TGM7: variants seen among roughly 807,000 people sequenced by gnomAD.
TGM7 encodes protein-glutamine gamma-glutamyltransferase Z.
TGM7 carries 74 observed loss-of-function variants against 79.5 expected under a neutral mutation model. The ratio of observed to expected loss-of-function variants is 0.93; its 90% CI spans 0.77 to 1.13. The LOEUF (loss-of-function observed/expected upper bound fraction) is 1.13, where lower values mean the gene tolerates loss of function less well. TGM7 is among the 50% of genes most tolerant of loss of function. The probability of loss-of-function intolerance (pLI) is 0.00; values close to 1 mark genes in which losing one functional copy is unlikely to be tolerated. For synonymous variants in TGM7, 354 were observed against 362.5 expected, an observed-to-expected ratio of 0.98 and a Z score of 0.27; for missense variants, 912 against 905.9, an observed-to-expected ratio of 1.01 and a Z score of -0.09.
chr15:43,281,808 T>A, intron 9 of TGM7, 36 bp downstream of exon 9: 1 of 1,607,492 alleles, frequency 6.2e-7, no homozygotes, highest in Non-Finnish European at 8.5e-7. Context: ...ACAAAGAAGC[T>A]TAAAGCAGCC....
chr15:43,279,222 G>C lies in TGM7; in HGVS notation c.1734C>G (p.Asp578Glu), dbSNP rs768206240. ...TGCCAGACACGCGGATGAGCTTTTC[G>C]TCCGTTAGCTTGTTTCTGTAATTGC... ...PYSNYRNKLT[D>E]EKLIRVSGIA... Residue 578 changes from aspartate to glutamate, a missense_variant, in exon 11 of 13, where the codon GAC (aspartate) becomes GAG (glutamate). Transcript: ENST00000452443. The C allele has an allele frequency of 1.2e-6, 2 of 1,614,142 alleles. No individual in the cohort carries two copies. The highest frequency in any genetic ancestry group is 1.1e-5 in the South Asian group (1 of 91,086).
chr15:43,293,748 A>G (rs1265674708), intron 1 of TGM7, 117 bp from the exon 2 acceptor site: 1 of 43,662 alleles, frequency 2.3e-5, no homozygotes, highest in Admixed American at 2.5e-4. Flanking sequence ...TGCGGGGGGT[A>G]GGTGGGGCGT....
rs1443768216 is a variant in TGM7 at position 43,287,661 on chromosome 15, C to G, written c.567G>C (p.Glu189Asp). ...SWPWNYGQFE[E>D]DIIDICFEIL... ...TCTCAAAGCAGATGTCTATGATGTC[C>G]TCTTCAAACTTCCAAGTGATTTTAA... The change falls in exon 5 of 13, where the codon GAG (glutamate) becomes GAC (aspartate). Residue 189 changes from glutamate to aspartate, a missense_variant. Physicochemically the swap from Glu to Asp is conservative, Grantham distance 45. Coordinates refer to ENST00000452443, the MANE Select transcript of TGM7 (RefSeq NM_052955.3). The G allele has an allele frequency of 1.2e-6, 2 of 1,607,804 alleles. No homozygotes were observed. Among genetic ancestry groups the G allele is most frequent in the South Asian group, 2.2e-5 (2 of 89,580 alleles).
At chr15:43,300,537 C>T (rs1443048201) in intron 1 of TGM7, among the ~76,000 whole-genome samples, 2 of 152,238 alleles carry the variant, frequency 1.3e-5, no homozygotes, top group East Asian at 1.9e-4. Flanking sequence ...CGCGGTGGCT[C>T]ACGCCTGTAA....
In TGM7 at chr15:43,276,992, A is replaced by T. The variant is rs762457602; in HGVS notation, c.1843T>A (p.Ser615Thr). ...GCCTTGCCCACCTCAGCCCTCTCAG[A>T]CACCTGTGTGGAGAGAAGTCAGCAA... ...LEPPHLSIEV[S>T]ERAEVGKALR... Residue 615 changes from serine (S) to threonine (T), a missense_variant, in exon 12 of 13, where the codon TCT (serine) becomes ACT (threonine). Coordinates refer to ENST00000452443, the MANE Select transcript of TGM7 (RefSeq NM_052955.3). The T allele has an allele frequency of 1.2e-6, 2 of 1,613,910 alleles. No individual in the cohort carries two copies. The highest frequency in any genetic ancestry group is 2.2e-5 in the South Asian group (2 of 91,054).
intron 7 of TGM7, among the ~76,000 whole-genome samples, chr15:43,283,465 GCT>G (rs889703861): frequency 7.2e-6 from 1 of 139,580 alleles, no homozygotes; most frequent in African/African-American, 3.1e-5. Context: ...ACAATCTCTC[GCT>G]CTCTCTCTTT....
chr15:43,291,934 G>T, intron 4 of TGM7, 45 bp downstream of exon 4: 1 of 1,432,506 alleles, frequency 7.0e-7, no homozygotes, highest in Non-Finnish European at 9.9e-7. Flanking sequence ...GTAAGGACCA[G>T]CCTTAGGGAG....
chr15:43,286,874 T>C (rs546212764), intron 6 of TGM7, among the ~76,000 whole-genome samples: 1 of 152,144 alleles, frequency 6.6e-6, no homozygotes, highest in African/African-American at 2.4e-5. Flanking sequence ...AGTGAAGCAT[T>C]TGGGGGCTGC....
chr15:43,279,863 C>T lies in TGM7; in HGVS notation c.1440G>A (p.Leu480=), dbSNP rs2042898351. 2.5e-6 allele frequency: 4 copies of T among 1,614,234 alleles called. No individual in the cohort carries two copies. Among genetic ancestry groups the T allele is most frequent in the Non-Finnish European group, 3.4e-6 (4 of 1,180,046 alleles). ...GCTGATCCCTAAGACCCCCAGACTC[C>T]AGGAGATCCAGGAAGGGCAAAGAAG... is the stretch of plus-strand genomic sequence containing the variant. ...QRASLPFLDL[L]ESGGLRDQPA... Residue 480 remains leucine (L), a synonymous_variant, in exon 10 of 13, where the codon CTG becomes CTA. Coordinates refer to ENST00000452443, the MANE Select transcript of TGM7 (RefSeq NM_052955.3).
At chr15:43,294,954 A>G (rs985510949) in intron 1 of TGM7, among the ~76,000 whole-genome samples, 2 of 151,700 alleles carry the variant, frequency 1.3e-5, no homozygotes, top group East Asian at 1.9e-4. Flanking sequence ...CTGGAGTGCA[A>G]TGGCATGCTC....
rs747416665 is a variant in TGM7, at chr15:43,292,698, G to A, written c.439+11C>T. ...ATCAGGTTAGCAATACAAGCTGTGG[G>A]CACATCCTACCTGGACTCCAAGGGT... On this transcript the variant is annotated intron_variant, in intron 3 of 12. Coordinates refer to ENST00000452443, the MANE Select transcript of TGM7 (RefSeq NM_052955.3). 1.9e-6 allele frequency: 3 copies of A among 1,613,556 alleles called. No homozygotes were observed. Among genetic ancestry groups the A allele is most frequent in the Non-Finnish European group, 2.5e-6 (3 of 1,179,666 alleles).
At chr15:43,291,496 C>T (rs547318005) in intron 4 of TGM7, among the ~76,000 whole-genome samples, 27 of 152,312 alleles carry the variant, frequency 1.8e-4, no homozygotes, top group East Asian at 3.9e-4. Context: ...TATTTGTGCA[C>T]GCTGAAATTT....
chr15:43,300,006 C>T (rs2043018235), intron 1 of TGM7, among the ~76,000 whole-genome samples: 1 of 152,178 alleles, frequency 6.6e-6, no homozygotes, highest in South Asian at 2.1e-4. Flanking sequence ...TCCCACTAGC[C>T]CATAAATAAA....
chr15:43,279,912 C>T lies in TGM7; in HGVS notation c.1391G>A (p.Arg464Gln), dbSNP rs150635499. Reference sequence around the variant, plus strand: ...AGCTCTTTGGGGGCCCAGCATTTTCCGAGAAGCCTTCATGAAGACAGCTCT... The same window carrying T: ...AGCTCTTTGGGGGCCCAGCATTTTCTGAGAAGCCTTCATGAAGACAGCTCT... The part of the protein sequence containing the change: ...EERAVFMKAS[R>Q]KMLGPQRASL... Residue 464 changes from arginine (R) to glutamine (Q), a missense_variant, in exon 10 of 13, where the codon CGG (arginine) becomes CAG (glutamine). Coordinates refer to ENST00000452443, the MANE Select transcript of TGM7 (RefSeq NM_052955.3). The T allele has an allele frequency of 5.0e-3, 8,027 of 1,614,146 alleles. 25 individuals carry two copies. The highest frequency in any genetic ancestry group is 6.4e-3 in the Non-Finnish European group (7,529 of 1,180,000).
At chr15:43,276,834 G>C (rs2042880048) in intron 12 of TGM7, 28 bp downstream of exon 12, 1 of 1,610,100 alleles carries the variant, frequency 6.2e-7, no homozygotes. Context: ...AGACCAGCAA[G>C]GGGGAGGTGG....
At position 43,292,046 on chromosome 15, in the gene TGM7, C is replaced by T. The variant is rs750552538; in HGVS notation, c.491G>A (p.Arg164Gln). The change falls in exon 4 of 13, where the codon CGA becomes CAA. Residue 164 changes from arginine (R) to glutamine (Q), a missense_variant. Transcript: ENST00000452443. ...ACCCTTGTAAACAAAGCCATAATCTCGCATGATATACTCCTGCAGCAGTAT... is the reference window on the plus strand; with the variant it reads ...ACCCTTGTAAACAAAGCCATAATCTTGCATGATATACTCCTGCAGCAGTAT... ...SEILLQEYIM[R>Q]DYGFVYKGHE... The T allele has an allele frequency of 5.6e-6, 9 of 1,613,890 alleles. No individual in the cohort carries two copies. The highest frequency in any genetic ancestry group is 4.5e-5 in the East Asian group (2 of 44,900).
At chr15:43,283,978 C>A (rs984700809) in intron 7 of TGM7, among the ~76,000 whole-genome samples, 1 of 152,080 alleles carries the variant, frequency 6.6e-6, no homozygotes, top group Non-Finnish European at 1.5e-5. Flanking sequence ...GAGGCCGAGG[C>A]GAGTGGATCA....
chr15:43,293,485 AC>A lies in TGM7; in HGVS notation c.156del (p.Gln52HisfsTer67). ...YLRLSFSRPF[Q>X]SQNDHITFVA... The stretch of plus-strand genomic sequence containing the variant: ...ACAAAGGTGATGTGGTCGTTCTGGG[AC>A]TGGAAGGGTCGGCTGAAGCTCAGCC... On this transcript the variant is annotated frameshift_variant, in exon 2 of 13. Coordinates refer to ENST00000452443, the MANE Select transcript of TGM7 (RefSeq NM_052955.3). LOFTEE classifies it high-confidence loss of function. 6.2e-7 allele frequency: 1 copy of A among 1,610,556 alleles called. No individual in the cohort carries two copies. Among genetic ancestry groups the A allele is most frequent in the Non-Finnish European group, 8.5e-7 (1 of 1,178,700 alleles).
chr15:43,282,212 C>T (rs2042913253), intron 8 of TGM7, 126 bp from the exon 9 acceptor site: 1 of 1,363,354 alleles, frequency 7.3e-7, no homozygotes, highest in Non-Finnish European at 9.9e-7. Flanking sequence ...GTTTACCAAG[C>T]ACTTTTGTTC....
Sources: gnomAD v4.1 joint callset for allele counts (sites outside exome capture counted in the v4.1 genomes callset) on GRCh38, gnomAD v4.1.1 for gene constraint, MANE v1.5 for transcripts, NCBI Gene and HGNC (gene_info 2026-07-23, HGNC 2026-07-21) for gene names.